DLG1: variants seen among roughly 807,000 people sequenced by gnomAD.
DLG1 encodes disks large homolog 1.
Under a neutral mutation model 123.4 loss-of-function variants are expected in DLG1, and 42 were observed. The observed-to-expected ratio is 0.34, with a 90% CI of 0.27 to 0.44. The LOEUF is 0.44. Ranked by LOEUF, DLG1 falls within the 20% of genes least tolerant of loss-of-function variation. DLG1 has a pLI of 1.00. For synonymous variants in DLG1, 317 were observed against 356.2 expected, an observed-to-expected ratio of 0.89 and a Z score of 1.24; for missense variants, 942 against 1,082.6, an observed-to-expected ratio of 0.87 and a Z score of 1.82.
At chr3:197,135,558 T>C (rs1304714091) in intron 10 of DLG1, among the ~76,000 whole-genome samples, 1 of 152,182 alleles carries the variant, frequency 6.6e-6, no homozygotes, top group African/African-American at 2.4e-5. Context: ...TAATTCTTCA[T>C]AGCAGTGTGA....
At chr3:197,204,138 T>C (rs1251982245) in intron 4 of DLG1, among the ~76,000 whole-genome samples, 2 of 152,230 alleles carry the variant, frequency 1.3e-5, no homozygotes, top group African/African-American at 2.4e-5. Context: ...CTCCCATGTA[T>C]AGGAAAAATT....
intron 1 of DLG1, 182 bp from the exon 2 acceptor site, chr3:197,297,417 G>C (rs1457343185): frequency 7.0e-7 from 1 of 1,421,746 alleles, no homozygotes; most frequent in Non-Finnish European, 9.1e-7. Flanking sequence ...TTTCCTTGGA[G>C]TGGGTACCCC....
chr3:197,143,134 T>C (rs552728536), intron 6 of DLG1, among the ~76,000 whole-genome samples: 1 of 152,352 alleles, frequency 6.6e-6, no homozygotes, highest in African/African-American at 2.4e-5. Context: ...TCATTTCTAA[T>C]ACCTTTGTTC....
intron 6 of DLG1, among the ~76,000 whole-genome samples, chr3:197,148,006 G>A (rs944929103): frequency 1.3e-5 from 2 of 151,322 alleles, no homozygotes; most frequent in East Asian, 3.9e-4. Context: ...AAGGTTGTAG[G>A]ATAAAAGATA....
At chr3:197,288,740 AAAAATACATACATAC>A (rs1579432832) in intron 3 of DLG1, among the ~76,000 whole-genome samples, 1 of 122,862 alleles carries the variant, frequency 8.1e-6, no homozygotes, top group African/African-American at 2.8e-5. Flanking sequence ...AAAAAAAAAA[AAAAATACATACATAC>A]ATACATACAT....
At chr3:197,093,976 C>CCATG (rs1759242141) in intron 14 of DLG1, among the ~76,000 whole-genome samples, 1 of 152,116 alleles carries the variant, frequency 6.6e-6, no homozygotes, top group South Asian at 2.1e-4. Flanking sequence ...TTAGAAGAGG[C>CCATG]CATGAAGCTT....
At chr3:197,057,907 CAT>C (rs1403554911) in intron 23 of DLG1, among the ~76,000 whole-genome samples, 4 of 152,068 alleles carry the variant, frequency 2.6e-5, no homozygotes, top group East Asian at 1.9e-4. Flanking sequence ...TCCTCTTTAT[CAT>C]ATGTTTGTTT....
intron 4 of DLG1, among the ~76,000 whole-genome samples, chr3:197,227,560 C>A (rs1740631469): frequency 6.6e-6 from 1 of 152,164 alleles, no homozygotes. Flanking sequence ...TACTCAACAG[C>A]CTGGTCTCTG....
chr3:197,143,706 C>T (rs143950310), intron 6 of DLG1, among the ~76,000 whole-genome samples: 1 of 152,322 alleles, frequency 6.6e-6, no homozygotes, highest in Non-Finnish European at 1.5e-5. Flanking sequence ...TTCACCTCTT[C>T]ATAGGCCTTA....
intron 4 of DLG1, among the ~76,000 whole-genome samples, chr3:197,269,179 T>G (rs565255917): frequency 6.6e-6 from 1 of 152,354 alleles, no homozygotes; most frequent in South Asian, 2.1e-4. Context: ...TCAAGTATTA[T>G]GTACTGTACC....
At chr3:197,111,281 G>A (rs1769854581) in intron 13 of DLG1, among the ~76,000 whole-genome samples, 2 of 152,286 alleles carry the variant, frequency 1.3e-5, no homozygotes, top group South Asian at 4.1e-4. Flanking sequence ...AACCATGAAT[G>A]TTCTGGGTGA....
At chr3:197,180,158 A>C (rs1809421288) in intron 5 of DLG1, among the ~76,000 whole-genome samples, 2 of 151,628 alleles carry the variant, frequency 1.3e-5, no homozygotes, top group Non-Finnish European at 2.9e-5. Flanking sequence ...CTATACACAC[A>C]TTCAAAATGA....
At chr3:197,285,045 A>AC (rs34686933) in intron 3 of DLG1, among the ~76,000 whole-genome samples, 23,846 of 147,922 alleles carry the variant, frequency 0.16, 2,008 homozygotes, top group Admixed American at 0.21. Context: ...AAAAAAAAAA[A>AC]AACTGGAAAT....
intron 24 of DLG1, among the ~76,000 whole-genome samples, chr3:197,049,127 C>G (rs954625207): frequency 4.2e-5 from 1 of 23,976 alleles, no homozygotes; most frequent in East Asian, 1.7e-3. Flanking sequence ...GAGACCAGCA[C>G]GGCCAACCCT....
At chr3:197,176,115 T>C (rs1325985572) in intron 5 of DLG1, among the ~76,000 whole-genome samples, 2 of 152,164 alleles carry the variant, frequency 1.3e-5, no homozygotes, top group Non-Finnish European at 2.9e-5. Context: ...AAAGACCTTA[T>C]ATCATAAATT....
chr3:197,267,188 T>C (rs1257974774), intron 4 of DLG1, among the ~76,000 whole-genome samples: 4 of 152,188 alleles, frequency 2.6e-5, no homozygotes, highest in African/African-American at 7.2e-5. Flanking sequence ...AGTTTCTCCA[T>C]GATTAAAATA....
At chr3:197,135,863 G>C (rs1263365099) in intron 10 of DLG1, among the ~76,000 whole-genome samples, 1 of 151,304 alleles carries the variant, frequency 6.6e-6, no homozygotes, top group Non-Finnish European at 1.5e-5. Flanking sequence ...CCAGACTGCA[G>C]TGCAGTGGGA....
intron 11 of DLG1, among the ~76,000 whole-genome samples, chr3:197,128,468 TTCCAAGTCA>T (rs1347495495): frequency 6.6e-6 from 1 of 152,222 alleles, no homozygotes; most frequent in East Asian, 1.9e-4. Context: ...TTTTGACCTG[TTCCAAGTCA>T]TCCAAGAGGG....
chr3:197,148,236 C>A (rs1411864092), intron 6 of DLG1, among the ~76,000 whole-genome samples: 3 of 2,434 alleles, frequency 1.2e-3, no homozygotes, highest in African/African-American at 4.1e-3. Flanking sequence ...CCCATCTCTA[C>A]CAAAAATACA....
Sources: gnomAD v4.1 joint callset for allele counts (sites outside exome capture counted in the v4.1 genomes callset) on GRCh38, gnomAD v4.1.1 for gene constraint, MANE v1.5 for transcripts, NCBI Gene and HGNC (gene_info 2026-07-23, HGNC 2026-07-21) for gene names.